Variants in HEATR5B observed in about 807,000 individuals in gnomAD.
The protein encoded by HEATR5B is HEAT repeat-containing protein 5B.
A neutral mutation model predicts 224.1 loss-of-function variants in HEATR5B; 156 were observed. That is an observed-to-expected ratio of 0.70 (90% confidence interval 0.61 to 0.80). The LOEUF (loss-of-function observed/expected upper bound fraction) is 0.80, where lower values mean the gene tolerates loss of function less well. HEATR5B is among the 30% of genes least tolerant of loss of function. The pLI is 0.00. For missense variants in HEATR5B, 2,323 were observed against 2,535.5 expected (o/e 0.92, Z 1.80); for synonymous variants, 1,027 against 893.0 (o/e 1.15, Z -2.68).
At chr2:36,996,133 T>G (rs940560088) in intron 33 of HEATR5B, among the ~76,000 whole-genome samples, 8 of 151,418 alleles carry the variant, frequency 5.3e-5, no homozygotes, top group Non-Finnish European at 8.8e-5. Context: ...CGATCTCAGC[T>G]CATTACAACC....
At chr2:36,985,630 T>G (rs1469725043) in intron 35 of HEATR5B, among the ~76,000 whole-genome samples, 26 of 143,942 alleles carry the variant, frequency 1.8e-4, no homozygotes, top group South Asian at 6.5e-4. Flanking sequence ...GCTTTTTTTT[T>G]TTTTTTTTTT....
intron 29 of HEATR5B, 32 bp from the exon 30 acceptor site, chr2:37,005,791 C>A: frequency 1.3e-6 from 2 of 1,502,298 alleles, no homozygotes; most frequent in South Asian, 1.3e-5. Flanking sequence ...CATGTTTTTT[C>A]ACTTATAAAA....
intron 18 of HEATR5B, among the ~76,000 whole-genome samples, chr2:37,042,874 A>G (rs2148503838): frequency 6.8e-6 from 1 of 146,902 alleles, no homozygotes; most frequent in African/African-American, 2.5e-5. Flanking sequence ...CCTGGGCGAC[A>G]GTGAGACTCT....
At chr2:37,076,513 G>C (rs1572947531) in intron 4 of HEATR5B, among the ~76,000 whole-genome samples, 1 of 152,212 alleles carries the variant, frequency 6.6e-6, no homozygotes, top group Non-Finnish European at 1.5e-5. Context: ...GTGGAAACAT[G>C]GCCTTGCTGA....
In HEATR5B at chr2:36,981,513, T is replaced by C; in HGVS notation, c.6193A>G (p.Lys2065Glu). Residue 2065 changes from lysine (K) to glutamate (E), a missense_variant, in exon 36 of 36, where the codon AAG (lysine) becomes GAG (glutamate). Around this residue, in one of 12 missense-constraint regions of HEATR5B, gnomAD observed 844 missense variants for 812.9 expected, o/e 1.04. Coordinates refer to ENST00000233099, the MANE Select transcript of HEATR5B (RefSeq NM_019024.3). ...AATTAAAAAAAACTTGTTTTTAGCT[T>C]AATTGTTGGTGCAGAATGTATGGCG... Reference protein sequence around the residue: ...APAIHSAPTIKLKTSFF With the variant: ...APAIHSAPTIELKTSFF 6.3e-7 allele frequency: 1 copy of C among 1,598,098 alleles called. No individual in the cohort carries two copies. The highest frequency in any genetic ancestry group is 8.5e-7 in the Non-Finnish European group (1 of 1,173,886).
In HEATR5B at chr2:37,083,513, T is replaced by A. The variant is rs899160541; in HGVS notation, c.-22-77A>T. 8.7e-6 allele frequency: 9 copies of A among 1,040,436 alleles called. No homozygotes were observed. The Admixed American group carries it at 1.2e-4, about 14-fold the overall frequency. 64.5% of individuals were successfully genotyped at this position (1,040,436 alleles called of 1,614,324 possible). On this transcript the variant is annotated intron_variant, in intron 1 of 35. Transcript: ENST00000233099. ...GTCAAGCTTAATGGAATATACTCAC[T>A]AAGAAAAGTAGGACTACTCATTTCA...
At chr2:37,027,396 A>G (rs1668848496) in intron 24 of HEATR5B, among the ~76,000 whole-genome samples, 1 of 152,180 alleles carries the variant, frequency 6.6e-6, no homozygotes, top group African/African-American at 2.4e-5. Context: ...CATGGTATAA[A>G]AAGTTTACAA....
chr2:37,064,177 G>A (rs17498534), intron 10 of HEATR5B, among the ~76,000 whole-genome samples: 29,247 of 151,722 alleles, frequency 0.19, 3,035 homozygotes, highest in Non-Finnish European at 0.23. Flanking sequence ...TTACAATAGC[G>A]TATTATCCTG....
chr2:37,045,791 A>G (rs752928662), intron 18 of HEATR5B, among the ~76,000 whole-genome samples: 5 of 152,174 alleles, frequency 3.3e-5, no homozygotes, highest in Non-Finnish European at 5.9e-5. Flanking sequence ...TTAAGCCTGG[A>G]AACTTTCTTC....
chr2:37,033,043 G>A (rs1171708462), intron 21 of HEATR5B, among the ~76,000 whole-genome samples: 1 of 151,924 alleles, frequency 6.6e-6, no homozygotes, highest in Non-Finnish European at 1.5e-5. Flanking sequence ...ACCACACCTG[G>A]CTAATTTTTG....
intron 33 of HEATR5B, among the ~76,000 whole-genome samples, chr2:36,992,518 T>A (rs185243111): frequency 1.2e-4 from 18 of 152,002 alleles, no homozygotes; most frequent in Non-Finnish European, 5.9e-5. Context: ...GAGGTTAAGG[T>A]GGCAGTGAGC....
intron 21 of HEATR5B, among the ~76,000 whole-genome samples, chr2:37,037,435 G>T (rs1164209381): frequency 1.3e-5 from 2 of 151,788 alleles, no homozygotes; most frequent in Non-Finnish European, 2.9e-5. Context: ...GAGCCACAGC[G>T]CCTGGCCCAA....
chr2:37,039,380 C>T (rs111940683), intron 20 of HEATR5B, among the ~76,000 whole-genome samples: 2 of 151,976 alleles, frequency 1.3e-5, no homozygotes, highest in African/African-American at 4.8e-5. Context: ...GCAGGAGAAT[C>T]GCTTGAACTC....
intron 10 of HEATR5B, among the ~76,000 whole-genome samples, chr2:37,063,127 T>G (rs773587509): frequency 3.3e-5 from 5 of 152,124 alleles, no homozygotes; most frequent in Non-Finnish European, 5.9e-5. Flanking sequence ...AGATGCATAA[T>G]AGGAGTTCAA....
At chr2:37,065,089 C>A in intron 9 of HEATR5B, 99 bp from the exon 10 acceptor site, 1 of 1,194,022 alleles carries the variant, frequency 8.4e-7, no homozygotes, top group Non-Finnish European at 1.2e-6. Flanking sequence ...TGACAATCAC[C>A]AAGCTTTCAC....
chr2:37,049,520 A>C, intron 18 of HEATR5B, 133 bp downstream of exon 18: 1 of 736,728 alleles, frequency 1.4e-6, no homozygotes. Flanking sequence ...TTAAAAATTG[A>C]GATCATTACA....
At position 36,989,899 on chromosome 2, in the gene HEATR5B, C is replaced by CTTTTTTTT. The variant is rs766148486; in HGVS notation, c.5697+741_5697+748dup. Among the ~76,000 whole-genome samples, 22 of 88,904 alleles carry CTTTTTTTT rather than the reference C, an allele frequency of 2.5e-4. 1 individual carries two copies. The highest frequency in any genetic ancestry group is 5.7e-4 in the African/African-American group (12 of 20,986). The allele number at this position is 88,904 out of a possible 152,430, so 58.3% of individuals were successfully genotyped here. A position where few individuals can be genotyped will look rare whatever the true frequency, so the allele number is the denominator to read the frequency against. Reference sequence around the variant, plus strand: ...CAGTACTGGAATCCAAGAATGTTTCCTTTTTTTTTTTTTTTTTTTTTTTTG... The same window carrying CTTTTTTTT: ...CAGTACTGGAATCCAAGAATGTTTCCTTTTTTTTTTTTTTTTTTTTTTTTTTTTTTTTG... On this transcript the variant is annotated intron_variant, in intron 34 of 35. Transcript: ENST00000233099.
At chr2:37,014,875 C>G (rs866554981) in intron 26 of HEATR5B, among the ~76,000 whole-genome samples, 2 of 151,506 alleles carry the variant, frequency 1.3e-5, no homozygotes, top group African/African-American at 4.9e-5. Context: ...CCCAGCTGCT[C>G]GGGAGGCTGA....
chr2:37,012,295 G>C (rs1667835375), intron 27 of HEATR5B, among the ~76,000 whole-genome samples: 1 of 151,946 alleles, frequency 6.6e-6, no homozygotes, highest in Non-Finnish European at 1.5e-5. Context: ...CCACTTTTTT[G>C]TGAATAATAA....
Sources: gnomAD v4.1 joint callset for allele counts (sites outside exome capture counted in the v4.1 genomes callset) on GRCh38, gnomAD v4.1.1 for gene constraint, gnomAD v4.1.1 regional missense constraint, MANE v1.5 for transcripts, NCBI Gene and HGNC (gene_info 2026-07-23, HGNC 2026-07-21) for gene names.